The following PRKAR1A variants were observed in gnomAD, a reference collection of about 807,000 sequenced individuals.
PRKAR1A encodes cAMP-dependent protein kinase type I-alpha regulatory subunit.
PRKAR1A carries 3 observed loss-of-function variants against 52.0 expected under a neutral mutation model. The observed-to-expected ratio is 0.06, with a 90% CI of 0.03 to 0.15. The LOEUF (loss-of-function observed/expected upper bound fraction) is 0.15. Among genes scored for constraint, PRKAR1A ranks in the 10% least tolerant of loss-of-function variants. The pLI, the probability that PRKAR1A is intolerant of heterozygous loss-of-function variation, is 1.00. For missense variants in PRKAR1A, 240 were observed against 477.4 expected, an observed-to-expected ratio of 0.50 and a Z score of 4.63; for synonymous variants, 188 against 168.4, an observed-to-expected ratio of 1.12 and a Z score of -0.90.
At chr17:68,492,610 AGT>A in the PRKAR1A span, among the ~76,000 whole-genome samples, 8 of 152,292 alleles carry the variant, frequency 5.3e-5, no homozygotes, top group East Asian at 1.5e-3. Flanking sequence ...GCAGCGCCAA[AGT>A]GTGTTAGCGC....
the PRKAR1A span, among the ~76,000 whole-genome samples, chr17:68,477,187 A>G: frequency 6.6e-6 from 1 of 152,182 alleles, no homozygotes; most frequent in Non-Finnish European, 1.5e-5. Flanking sequence ...ATAAACCTTT[A>G]TTCCTTTATT....
the PRKAR1A span, chr17:68,427,360 T>A: frequency 4.8e-6 from 4 of 834,954 alleles, no homozygotes; most frequent in Non-Finnish European, 5.7e-6. Context: ...CTCTGTGGGT[T>A]ATTTATTTAT....
At chr17:68,538,444 T>A (rs1255352126) in intron 11 of PRKAR1A, among the ~76,000 whole-genome samples, 1 of 152,224 alleles carries the variant, frequency 6.6e-6, no homozygotes, top group East Asian at 1.9e-4. Context: ...ACAAATGAGA[T>A]GTTTTTGCTA....
chr17:68,429,985 A>C, the PRKAR1A span: 1 of 1,614,004 alleles, frequency 6.2e-7, no homozygotes, highest in Non-Finnish European at 8.5e-7. Flanking sequence ...AGTGGGTGTC[A>C]TTGTACGTAC....
At chr17:68,471,228 T>C in the PRKAR1A span, among the ~76,000 whole-genome samples, 1 of 152,174 alleles carries the variant, frequency 6.6e-6, no homozygotes, top group South Asian at 2.1e-4. Flanking sequence ...ATGCAGTCAT[T>C]AAAAAGAACA....
chr17:68,500,048 A>G, the PRKAR1A span, among the ~76,000 whole-genome samples: 1 of 152,224 alleles, frequency 6.6e-6, no homozygotes, highest in East Asian at 1.9e-4. Context: ...TTATTTGCAA[A>G]CAAAGAAACA....
At chr17:68,457,425 G>A in the PRKAR1A span, 2 of 1,472,980 alleles carry the variant, frequency 1.4e-6, no homozygotes, top group African/African-American at 3.3e-5. Flanking sequence ...CCTCCATCGG[G>A]GGCTCGGCCC....
chr17:68,450,187 G>C, the PRKAR1A span, among the ~76,000 whole-genome samples: 1 of 152,310 alleles, frequency 6.6e-6, no homozygotes, highest in Non-Finnish European at 1.5e-5. Context: ...AGTCTTCAAG[G>C]GTTAGCTGGG....
chr17:68,486,494 C>CTCT, the PRKAR1A span, among the ~76,000 whole-genome samples: 4 of 65,322 alleles, frequency 6.1e-5, no homozygotes, highest in Non-Finnish European at 1.1e-4. Context: ...TCCTTCCTTC[C>CTCT]TTCCTTCCTT....
At chr17:68,504,194 G>A in the PRKAR1A span, among the ~76,000 whole-genome samples, 1 of 152,232 alleles carries the variant, frequency 6.6e-6, no homozygotes. Context: ...GCTGGGCATG[G>A]TGACTCACAC....
intron 11 of PRKAR1A, among the ~76,000 whole-genome samples, chr17:68,549,696 A>G (rs1215639611): frequency 6.6e-6 from 1 of 152,102 alleles, no homozygotes; most frequent in Non-Finnish European, 1.5e-5. Context: ...AGTATATATT[A>G]TATGTGCTCG....
upstream of PRKAR1A, among the ~76,000 whole-genome samples, chr17:68,511,470 G>A (rs1046612544): frequency 6.6e-6 from 1 of 152,150 alleles, no homozygotes; most frequent in Non-Finnish European, 1.5e-5. Flanking sequence ...GGACAGCTGC[G>A]ATTTCTTGTT....
At chr17:68,476,147 A>C in the PRKAR1A span, among the ~76,000 whole-genome samples, 1 of 152,048 alleles carries the variant, frequency 6.6e-6, no homozygotes, top group Non-Finnish European at 1.5e-5. Flanking sequence ...AATCTACTAT[A>C]ATATTTATAA....
At chr17:68,508,317 T>C (rs1043172056), upstream of PRKAR1A, among the ~76,000 whole-genome samples, 1 of 152,152 alleles carries the variant, frequency 6.6e-6, no homozygotes, top group Admixed American at 6.5e-5. Context: ...ATAAAGAAAA[T>C]GTGGTACATA....
At chr17:68,548,861 C>G (rs1051994363) in intron 11 of PRKAR1A, among the ~76,000 whole-genome samples, 1 of 150,720 alleles carries the variant, frequency 6.6e-6, no homozygotes, top group African/African-American at 2.4e-5. Context: ...GCCTCCCGAG[C>G]AGCTGGGACT....
the PRKAR1A span, among the ~76,000 whole-genome samples, chr17:68,478,060 T>C: frequency 6.6e-6 from 1 of 152,248 alleles, no homozygotes; most frequent in Non-Finnish European, 1.5e-5. Flanking sequence ...CAAACTGTAC[T>C]TGAGACACAA....
chr17:68,542,739 C>T (rs1223145896), intron 11 of PRKAR1A: 5 of 1,614,006 alleles, frequency 3.1e-6, no homozygotes, highest in African/African-American at 2.7e-5. Context: ...TTCTTGGTGA[C>T]CTCTAGGATT....
At chr17:68,504,861 AT>A in the PRKAR1A span, among the ~76,000 whole-genome samples, 12 of 152,322 alleles carry the variant, frequency 7.9e-5, no homozygotes, top group African/African-American at 2.9e-4. Context: ...CTTTGAGGTG[AT>A]GGATACCCCA....
intron 11 of PRKAR1A, among the ~76,000 whole-genome samples, chr17:68,550,159 C>T (rs1356346277): frequency 6.6e-6 from 1 of 152,096 alleles, no homozygotes; most frequent in Admixed American, 6.5e-5. Flanking sequence ...GTGATGATGA[C>T]AACCAATTCC....
Sources: gnomAD v4.1 joint callset for allele counts (sites outside exome capture counted in the v4.1 genomes callset) on GRCh38, gnomAD v4.1.1 for gene constraint, MANE v1.5 for transcripts, NCBI Gene and HGNC (gene_info 2026-07-23, HGNC 2026-07-21) for gene names.